The following ANKRD62 variants were observed in gnomAD, a reference collection of about 807,000 sequenced individuals.
ANKRD62 encodes ankyrin repeat domain-containing protein 62.
Under a neutral mutation model 98.8 loss-of-function variants are expected in ANKRD62, and 61 were observed. The ratio of observed to expected loss-of-function variants is 0.62; its 90% confidence interval spans 0.50 to 0.76. The LOEUF is 0.76. Ranked by LOEUF, ANKRD62 falls within the 30% of genes least tolerant of loss-of-function variation. ANKRD62 has a pLI of 0.00. For synonymous variants in ANKRD62, 341 were observed against 367.9 expected, an observed-to-expected ratio of 0.93 and a Z score of 0.84; for missense variants, 933 against 1,082.9, an observed-to-expected ratio of 0.86 and a Z score of 1.94.
chr18:12,168,493 T>C, the ANKRD62 span, among the ~76,000 whole-genome samples: 1 of 152,232 alleles, frequency 6.6e-6, no homozygotes, highest in Admixed American at 6.5e-5. Context: ...CATTGATCTA[T>C]ATCTCTGTTT....
chr18:12,095,249 C>T lies in ANKRD62; in HGVS notation c.297C>T (p.Asn99=). The T allele has an allele frequency of 6.5e-6, 10 of 1,539,438 alleles. No homozygotes were observed. Among genetic ancestry groups the T allele is most frequent in the Non-Finnish European group, 7.8e-6 (9 of 1,146,854 alleles). ...ADLVARKCQL[N]LTDSENRTAL... The stretch of plus-strand genomic sequence containing the variant: ...TGGTGGCCAGAAAATGCCAGCTTAA[C>T]CTCACTGACAGTGAAAACAGGACAG... The change falls in exon 2 of 14, where the codon AAC becomes AAT. Residue 99 remains asparagine (N), a synonymous_variant. Coordinates refer to ENST00000587848, the MANE Select transcript of ANKRD62 (RefSeq NM_001277333.2).
downstream of ANKRD62, among the ~76,000 whole-genome samples, chr18:12,132,749 G>C (rs1881387216): frequency 6.6e-6 from 1 of 151,978 alleles, no homozygotes; most frequent in African/African-American, 2.4e-5. Context: ...TGGTTTTTAT[G>C]TTGTTAATGT....
rs1407543867 is a variant in ANKRD62, at chr18:12,126,052, C to T, written c.2231C>T (p.Thr744Ile). 20 of 1,536,262 alleles carry T rather than the reference C, an allele frequency of 1.3e-5. No homozygotes were observed. The highest frequency in any genetic ancestry group is 1.5e-5 in the Non-Finnish European group (17 of 1,146,928). Residue 744 changes from threonine (T) to isoleucine (I), a missense_variant, in exon 13 of 14, where the codon ACA becomes ATA. By Grantham distance (89) the Thr-to-Ile change is moderately conservative (BLOSUM62 -1). Coordinates refer to ENST00000587848, the MANE Select transcript of ANKRD62 (RefSeq NM_001277333.2). ...CACATGCAAGGAGTCCTAAGCCGAA[C>T]ACAGCGTCGATTGGAGGACATTGAA... Reference protein sequence around the residue: ...IEHMQGVLSRTQRRLEDIEHM... With the variant: ...IEHMQGVLSRIQRRLEDIEHM...
intron 5 of ANKRD62, among the ~76,000 whole-genome samples, chr18:12,098,115 T>A (rs1002976488): frequency 2.0e-5 from 3 of 152,220 alleles, no homozygotes; most frequent in Non-Finnish European, 4.4e-5. Flanking sequence ...AGTTTTTTCT[T>A]CTTTGTTACC....
At chr18:12,129,887 A>T (rs545037681), downstream of ANKRD62, 1 of 152,640 alleles carries the variant, frequency 6.6e-6, no homozygotes, top group African/African-American at 2.4e-5. Context: ...ATTGATGGGC[A>T]TTTGGGTTAT....
At chr18:12,140,803 C>T in the ANKRD62 span, among the ~76,000 whole-genome samples, 3 of 152,244 alleles carry the variant, frequency 2.0e-5, no homozygotes, top group Non-Finnish European at 4.4e-5. Context: ...CAGGGACCCA[C>T]TTGAGGAGGC....
At chr18:12,123,725 C>T (rs7232368) in intron 11 of ANKRD62, among the ~76,000 whole-genome samples, 5,480 of 152,112 alleles carry the variant, frequency 0.036, 331 homozygotes, top group African/African-American at 0.12. Flanking sequence ...GGATACCTGC[C>T]GTATTTCATG....
chr18:12,172,160 G>A, the ANKRD62 span, among the ~76,000 whole-genome samples: 467 of 152,210 alleles, frequency 3.1e-3, 1 homozygote, highest in Non-Finnish European at 5.0e-3. Context: ...GTCATTCTCC[G>A]TCCAACTTTG....
intron 13 of ANKRD62, among the ~76,000 whole-genome samples, chr18:12,127,398 T>G (rs1909915504): frequency 6.6e-6 from 1 of 152,216 alleles, no homozygotes; most frequent in Non-Finnish European, 1.5e-5. Flanking sequence ...TGATTTGAGC[T>G]TCTTCTTATA....
At chr18:12,165,662 TTAAGA>T in the ANKRD62 span, among the ~76,000 whole-genome samples, 2 of 152,284 alleles carry the variant, frequency 1.3e-5, no homozygotes, top group Admixed American at 6.5e-5. Context: ...GTCTTTCTAC[TTAAGA>T]TAAGAGTAGT....
At chr18:12,164,153 A>G in the ANKRD62 span, among the ~76,000 whole-genome samples, 1 of 151,776 alleles carries the variant, frequency 6.6e-6, no homozygotes, top group Non-Finnish European at 1.5e-5. Context: ...TTACTGGGAG[A>G]CTTTTTATTA....
At position 12,094,070 on chromosome 18, in the gene ANKRD62, G is replaced by A; in HGVS notation, c.53G>A (p.Trp18Ter). Residue 18 changes from tryptophan to a stop codon, truncating the protein, a stop_gained, in exon 1 of 14, where the codon TGG (tryptophan) becomes TAG (stop). Transcript: ENST00000587848. LOFTEE classifies it high-confidence loss of function. ...LAACRRRMAT[W>*]RKNRDKDGFS... ...GCCTGCAGGAGACGCATGGCTACCTGGAGGAAGAATCGTGACAAGGATGGC... is the reference window on the plus strand; with the variant it reads ...GCCTGCAGGAGACGCATGGCTACCTAGAGGAAGAATCGTGACAAGGATGGC... 2 of 1,535,228 alleles carry A rather than the reference G, an allele frequency of 1.3e-6. No homozygotes were observed. The highest frequency in any genetic ancestry group is 1.2e-5 in the South Asian group (1 of 84,016).
chr18:12,165,976 T>C, the ANKRD62 span, among the ~76,000 whole-genome samples: 2 of 152,146 alleles, frequency 1.3e-5, no homozygotes, highest in Non-Finnish European at 2.9e-5. Context: ...CTGTAAGGTT[T>C]GCACTGAAAG....
the ANKRD62 span, among the ~76,000 whole-genome samples, chr18:12,158,273 T>C: frequency 1.3e-5 from 2 of 152,246 alleles, no homozygotes; most frequent in African/African-American, 4.8e-5. Flanking sequence ...TTGAATAGCC[T>C]GGTCATTGTG....
At chr18:12,154,313 G>A in the ANKRD62 span, among the ~76,000 whole-genome samples, 1 of 152,134 alleles carries the variant, frequency 6.6e-6, no homozygotes. Context: ...TCCAAAAGAA[G>A]ACCTACATGC....
intron 10 of ANKRD62, among the ~76,000 whole-genome samples, chr18:12,119,880 C>T (rs1016793709): frequency 1.3e-5 from 2 of 151,916 alleles, no homozygotes; most frequent in African/African-American, 4.8e-5. Context: ...ATTCTACCAA[C>T]CTCAATATGT....
intron 6 of ANKRD62, among the ~76,000 whole-genome samples, chr18:12,100,407 A>T (rs1278969958): frequency 6.6e-6 from 1 of 152,170 alleles, no homozygotes; most frequent in Non-Finnish European, 1.5e-5. Context: ...TAGGAGGTAG[A>T]GGGAGATTGA....
At chr18:12,167,274 ATCCC>A in the ANKRD62 span, among the ~76,000 whole-genome samples, 58 of 151,114 alleles carry the variant, frequency 3.8e-4, no homozygotes, top group African/African-American at 3.6e-4. Flanking sequence ...TCCTAATGGT[ATCCC>A]TCCCCCATTC....
chr18:12,130,208 AAT>A (rs1491109861), downstream of ANKRD62, among the ~76,000 whole-genome samples: 1 of 152,052 alleles, frequency 6.6e-6, no homozygotes, highest in Non-Finnish European at 1.5e-5. Context: ...AAGGTAAAAA[AAT>A]AACAACAGTT....
Sources: gnomAD v4.1 joint callset for allele counts (sites outside exome capture counted in the v4.1 genomes callset) on GRCh38, gnomAD v4.1.1 for gene constraint, MANE v1.5 for transcripts, NCBI Gene and HGNC (gene_info 2026-07-23, HGNC 2026-07-21) for gene names.